The following IQSEC1 variants were observed in gnomAD, a reference collection of about 807,000 sequenced individuals.
IQSEC1 encodes the protein IQ motif and Sec7 domain ArfGEF 1.
A neutral mutation model predicts 91.0 loss-of-function variants in IQSEC1; 31 were observed. The ratio of observed to expected loss-of-function variants is 0.34; its 90% CI spans 0.26 to 0.46. IQSEC1 has a LOEUF of 0.46. Among genes scored for constraint, IQSEC1 ranks in the 20% least tolerant of loss-of-function variants. The pLI is 1.00. For missense variants in IQSEC1, 1,388 were observed against 1,575.6 expected (o/e 0.88, Z 2.02); for synonymous variants, 699 against 662.6 (o/e 1.05, Z -0.84).
At chr3:12,907,541 T>C (rs1206979894) in intron 12 of IQSEC1, among the ~76,000 whole-genome samples, 1 of 152,138 alleles carries the variant, frequency 6.6e-6, no homozygotes, top group Non-Finnish European at 1.5e-5. Context: ...TACCCTCCCG[T>C]ACACTCCTTG....
chr3:13,221,787 G>A (rs931101920), intron 1 of IQSEC1, among the ~76,000 whole-genome samples: 2 of 152,244 alleles, frequency 1.3e-5, no homozygotes, highest in African/African-American at 2.4e-5. Flanking sequence ...CCACAAAACC[G>A]GGAACTCCCC....
At chr3:13,213,673 G>C (rs779419617) in intron 1 of IQSEC1, among the ~76,000 whole-genome samples, 13 of 152,106 alleles carry the variant, frequency 8.5e-5, no homozygotes, top group Non-Finnish European at 1.8e-4. Context: ...CACACATTTA[G>C]TAATTACCAG....
chr3:13,200,300 T>C (rs1694221274), intron 1 of IQSEC1, among the ~76,000 whole-genome samples: 1 of 151,894 alleles, frequency 6.6e-6, no homozygotes, highest in Non-Finnish European at 1.5e-5. Context: ...CCCCTTATCA[T>C]TTATAAGCAG....
chr3:12,990,176 C>T (rs1436039984), intron 1 of IQSEC1, among the ~76,000 whole-genome samples: 1 of 152,200 alleles, frequency 6.6e-6, no homozygotes, highest in Non-Finnish European at 1.5e-5. Flanking sequence ...TCCACCAAGT[C>T]CTTGGATCAC....
At chr3:12,933,517 C>T (rs998045010) in intron 3 of IQSEC1, among the ~76,000 whole-genome samples, 2 of 152,258 alleles carry the variant, frequency 1.3e-5, no homozygotes, top group African/African-American at 4.8e-5. Flanking sequence ...TCCTGTGCCA[C>T]GTCCTGCTTT....
At chr3:13,246,967 T>C (rs1023712887) in intron 1 of IQSEC1, among the ~76,000 whole-genome samples, 10 of 152,202 alleles carry the variant, frequency 6.6e-5, no homozygotes, top group Admixed American at 1.3e-4. Context: ...CCTGGAACGC[T>C]GGCCTGTTTG....
intron 1 of IQSEC1, among the ~76,000 whole-genome samples, chr3:13,182,137 T>C (rs561947373): frequency 5.4e-4 from 83 of 152,394 alleles, no homozygotes; most frequent in African/African-American, 2.0e-3. Context: ...AGGACTTACA[T>C]TGGAATCCCC....
At chr3:13,052,537 C>T (rs1191455954) in intron 1 of IQSEC1, among the ~76,000 whole-genome samples, 1 of 152,202 alleles carries the variant, frequency 6.6e-6, no homozygotes, top group Non-Finnish European at 1.5e-5. Context: ...AGACGCCAGT[C>T]TTCATTCTCT....
chr3:13,225,199 T>C (rs777669339), intron 1 of IQSEC1, among the ~76,000 whole-genome samples: 65 of 152,250 alleles, frequency 4.3e-4, no homozygotes, highest in Non-Finnish European at 8.7e-4. Flanking sequence ...AGGAGTTGTA[T>C]AACCCAATGG....
At chr3:13,072,664 A>G (rs1313361805) in intron 1 of IQSEC1, among the ~76,000 whole-genome samples, 1 of 152,242 alleles carries the variant, frequency 6.6e-6, no homozygotes, top group East Asian at 1.9e-4. Flanking sequence ...TAAACAGGCT[A>G]TGGGCTAAAC....
chr3:13,054,798 C>T (rs1302332471), intron 1 of IQSEC1, among the ~76,000 whole-genome samples: 1 of 152,212 alleles, frequency 6.6e-6, no homozygotes, highest in Non-Finnish European at 1.5e-5. Flanking sequence ...ACGGTGGGAC[C>T]CCAGGAGCCA....
intron 1 of IQSEC1, among the ~76,000 whole-genome samples, chr3:13,028,303 T>C (rs1001197830): frequency 5.3e-5 from 8 of 152,230 alleles, no homozygotes; most frequent in Non-Finnish European, 1.2e-4. Context: ...GGACATGACC[T>C]GCCAGGGTGG....
In IQSEC1 at chr3:12,941,621, G is replaced by C. The variant is rs1698754027; in HGVS notation, c.268C>G (p.Arg90Gly). 2 of 1,610,436 alleles carry C rather than the reference G, an allele frequency of 1.2e-6. No individual in the cohort carries two copies. The highest frequency in any genetic ancestry group is 1.7e-6 in the Non-Finnish European group (2 of 1,178,484). ...AGCTCATAGCTCTCGGAGAGTGAGC[G>C]TGAGCGCTTGATGGCCTCCTCCTCA... is the stretch of plus-strand genomic sequence containing the variant. Reference protein sequence around the residue: ...QAEEEAIKRSRSLSESYELSS... With the variant: ...QAEEEAIKRSGSLSESYELSS... Residue 90 changes from arginine (R) to glycine (G), a missense_variant, in exon 2 of 14, where the codon CGC becomes GGC. Arg to Gly is a moderately radical substitution (Grantham distance 125). This residue lies in a region of IQSEC1 where 1,059 missense variants were observed against 1,317.8 expected (regional missense o/e 0.80). Transcript: ENST00000613206.
Position 12,899,630 on chromosome 3 carries a change from G to T in IQSEC1, c.*1353C>A. 1 of 985,450 alleles carries T rather than the reference G, an allele frequency of 1.0e-6. No homozygotes were observed. Among genetic ancestry groups the T allele is most frequent in the Non-Finnish European group, 1.2e-6 (1 of 829,932 alleles). 61.0% of individuals were successfully genotyped at this position (985,450 alleles called of 1,614,324 possible). ...GCACTCGTCGGCTGGGGTCACACGGGCCACGGTGAGGACACAGGGGTTCTG... is the reference window on the plus strand; with the variant it reads ...GCACTCGTCGGCTGGGGTCACACGGTCCACGGTGAGGACACAGGGGTTCTG... On this transcript the variant is annotated 3_prime_UTR_variant, in exon 14 of 14. Coordinates refer to ENST00000613206, the MANE Select transcript of IQSEC1 (RefSeq NM_001134382.3).
intron 2 of IQSEC1, among the ~76,000 whole-genome samples, chr3:13,106,350 C>T (rs1225374720): frequency 6.6e-6 from 1 of 152,168 alleles, no homozygotes; most frequent in Admixed American, 6.5e-5. Context: ...TCCTTGGGAC[C>T]CAGGACCCTG....
At chr3:13,213,434 T>C (rs1448703847) in intron 1 of IQSEC1, among the ~76,000 whole-genome samples, 1 of 152,218 alleles carries the variant, frequency 6.6e-6, no homozygotes, top group Non-Finnish European at 1.5e-5. Context: ...TTATAGTAAC[T>C]TGGACATCGG....
intron 2 of IQSEC1, among the ~76,000 whole-genome samples, chr3:13,118,729 G>A (rs1160788491): frequency 6.6e-6 from 1 of 152,160 alleles, no homozygotes; most frequent in Non-Finnish European, 1.5e-5. Context: ...GAGATGGATG[G>A]TGGTGTTGGC....
At chr3:13,117,696 C>G (rs1241550635) in intron 2 of IQSEC1, among the ~76,000 whole-genome samples, 2 of 151,310 alleles carry the variant, frequency 1.3e-5, no homozygotes, top group African/African-American at 4.9e-5. Context: ...ACCAGCCTGG[C>G]CAATATGGTG....
intron 1 of IQSEC1, among the ~76,000 whole-genome samples, chr3:13,243,030 CCTT>C (rs1201750284): frequency 2.6e-5 from 4 of 152,156 alleles, no homozygotes; most frequent in Non-Finnish European, 4.4e-5. Flanking sequence ...AGGGTTGACT[CCTT>C]CTGGGTAAGT....
Sources: allele counts gnomAD v4.1 joint callset (sites outside exome capture counted in the v4.1 genomes callset), GRCh38; gene constraint gnomAD v4.1.1; regional missense constraint gnomAD v4.1.1; transcripts MANE v1.5; gene names NCBI Gene and HGNC (gene_info 2026-07-23, HGNC 2026-07-21).